SDK1: variants seen among roughly 807,000 people sequenced by gnomAD.
SDK1 encodes sidekick cell adhesion molecule 1.
A neutral mutation model predicts 245.5 loss-of-function variants in SDK1; 157 were observed. The observed-to-expected ratio is 0.64, with a 90% confidence interval of 0.56 to 0.73. The LOEUF is 0.73. SDK1 is among the 30% of genes least tolerant of loss of function. SDK1 has a pLI of 0.00. For synonymous variants in SDK1, 1,647 were observed against 1,278.5 expected (o/e 1.29, Z -6.15); for missense variants, 3,583 against 3,002.3 (o/e 1.19, Z -4.52).
chr7:4,043,087 G>C (rs1279876914), intron 17 of SDK1, among the ~76,000 whole-genome samples: 2 of 151,686 alleles, frequency 1.3e-5, no homozygotes, highest in East Asian at 3.9e-4. Context: ...CTGACACCAG[G>C]GAGCCCAGGT....
chr7:3,604,207 T>C (rs963235799), intron 1 of SDK1, among the ~76,000 whole-genome samples: 1 of 152,228 alleles, frequency 6.6e-6, no homozygotes, highest in Non-Finnish European at 1.5e-5. Context: ...TAAAATGAGT[T>C]AGAGAGGATT....
At chr7:3,385,885 T>C (rs1166956705) in intron 1 of SDK1, among the ~76,000 whole-genome samples, 1 of 152,212 alleles carries the variant, frequency 6.6e-6, no homozygotes, top group Non-Finnish European at 1.5e-5. Flanking sequence ...TTAATGACTC[T>C]GTCAGATGTA....
intron 4 of SDK1, among the ~76,000 whole-genome samples, chr7:3,786,697 C>T (rs1227556236): frequency 2.6e-5 from 4 of 152,062 alleles, no homozygotes; most frequent in Non-Finnish European, 4.4e-5. Context: ...GTCTTTTTCT[C>T]GCTGATGAAA....
intron 1 of SDK1, among the ~76,000 whole-genome samples, chr7:3,411,035 T>C (rs1779185989): frequency 6.6e-6 from 1 of 152,138 alleles, no homozygotes; most frequent in Non-Finnish European, 1.5e-5. Flanking sequence ...AATATGCTTT[T>C]AAATCGTGTA....
At chr7:3,471,736 A>G (rs1781189968) in intron 1 of SDK1, among the ~76,000 whole-genome samples, 1 of 152,202 alleles carries the variant, frequency 6.6e-6, no homozygotes, top group African/African-American at 2.4e-5. Context: ...TGCTTTTCTT[A>G]GCCAAGAACA....
At chr7:3,590,804 G>C (rs1280806838) in intron 1 of SDK1, among the ~76,000 whole-genome samples, 1 of 140,086 alleles carries the variant, frequency 7.1e-6, no homozygotes, top group Non-Finnish European at 1.5e-5. Context: ...TTTTTTTAAG[G>C]CCTGGTCTTG....
At chr7:3,488,608 G>C (rs990265093) in intron 1 of SDK1, among the ~76,000 whole-genome samples, 1 of 152,134 alleles carries the variant, frequency 6.6e-6, no homozygotes, top group Non-Finnish European at 1.5e-5. Context: ...CCCTTACAAT[G>C]CTCATCAGCT....
intron 5 of SDK1, among the ~76,000 whole-genome samples, chr7:3,883,317 A>G (rs1382983005): frequency 2.6e-5 from 4 of 152,228 alleles, no homozygotes; most frequent in Non-Finnish European, 4.4e-5. Flanking sequence ...CTCTGTCTCA[A>G]TAGAATTTAT....
At chr7:3,319,916 T>G (rs992012257) in intron 1 of SDK1, among the ~76,000 whole-genome samples, 1 of 149,650 alleles carries the variant, frequency 6.7e-6, no homozygotes, top group African/African-American at 2.5e-5. Context: ...TTCTGAAAAT[T>G]TGAGCATTGA....
rs1404088677 is a variant in SDK1 at position 3,553,525 on chromosome 7, AGGCAGACCT to A, written c.299-65551_299-65543del. ...CTCACATTCCCTCACCCATCAGGAGAGGCAGACCTGGCCTTTCTTGACCTCTGAACTAGC... is the reference window on the plus strand; with the variant it reads ...CTCACATTCCCTCACCCATCAGGAGAGGCCTTTCTTGACCTCTGAACTAGC... On this transcript the variant is annotated intron_variant, in intron 1 of 44. Transcript: ENST00000404826. Among the ~76,000 whole-genome samples, 23 of 152,222 alleles carry A rather than the reference AGGCAGACCT, an allele frequency of 1.5e-4. No individual in the cohort carries two copies. The South Asian group carries it at 3.5e-3, about 23-fold the overall frequency.
At chr7:4,141,795 C>T (rs926004428) in intron 28 of SDK1, among the ~76,000 whole-genome samples, 3 of 152,136 alleles carry the variant, frequency 2.0e-5, no homozygotes, top group African/African-American at 4.8e-5. Flanking sequence ...CTCGCTCAGT[C>T]GCCCAGGCTG....
chr7:3,817,164 A>G (rs1420886378), intron 4 of SDK1, among the ~76,000 whole-genome samples: 1 of 152,234 alleles, frequency 6.6e-6, no homozygotes, highest in East Asian at 1.9e-4. Flanking sequence ...ATGGAAGCCA[A>G]CGGATGGGTT....
At chr7:3,738,045 G>T (rs973214236) in intron 4 of SDK1, among the ~76,000 whole-genome samples, 2 of 152,194 alleles carry the variant, frequency 1.3e-5, no homozygotes, top group Non-Finnish European at 2.9e-5. Context: ...GTGAGGGGAC[G>T]AAAGCTGGGG....
At chr7:3,447,448 T>C (rs1780374172) in intron 1 of SDK1, among the ~76,000 whole-genome samples, 1 of 152,122 alleles carries the variant, frequency 6.6e-6, no homozygotes, top group Non-Finnish European at 1.5e-5. Flanking sequence ...TTCACATGTG[T>C]TGGACTTCAA....
rs76616072 is a variant in SDK1 at position 3,919,030 on chromosome 7, A to C, written c.848-31893A>C. Among the ~76,000 whole-genome samples the C allele has an allele frequency of 7.5e-3, 1,139 of 152,348 alleles. 16 individuals are homozygous for C. The highest frequency in any genetic ancestry group is 0.025 in the African/African-American group (1,048 of 41,586). On this transcript the variant is annotated intron_variant, in intron 5 of 44. Transcript: ENST00000404826. ...CTCATAACTATTACTATCATTGCTA[A>C]TATAATGACTGTTAACTAAATATGA... is the stretch of plus-strand genomic sequence containing the variant.
chr7:3,891,545 C>A (rs900841343), intron 5 of SDK1, among the ~76,000 whole-genome samples: 1 of 152,182 alleles, frequency 6.6e-6, no homozygotes, highest in South Asian at 2.1e-4. Flanking sequence ...TGTTTTTAAT[C>A]TCTTTGATTC....
chr7:3,626,294 A>G (rs943521685), intron 2 of SDK1, among the ~76,000 whole-genome samples: 1 of 151,826 alleles, frequency 6.6e-6, no homozygotes, highest in African/African-American at 2.4e-5. Flanking sequence ...TATTCCTTGA[A>G]CCCCTCAGTG....
At chr7:3,392,024 A>T (rs1375270004) in intron 1 of SDK1, among the ~76,000 whole-genome samples, 1 of 151,422 alleles carries the variant, frequency 6.6e-6, no homozygotes, top group Non-Finnish European at 1.5e-5. Context: ...CAAAGACCAT[A>T]CAAGGCTTTT....
chr7:3,555,198 G>A (rs1779549348), intron 1 of SDK1, among the ~76,000 whole-genome samples: 1 of 152,146 alleles, frequency 6.6e-6, no homozygotes, highest in African/African-American at 2.4e-5. Context: ...CAGAGCTATA[G>A]TAACCAAAAC....
Sources: gnomAD v4.1 joint callset for allele counts (sites outside exome capture counted in the v4.1 genomes callset) on GRCh38, gnomAD v4.1.1 for gene constraint, MANE v1.5 for transcripts, NCBI Gene and HGNC (gene_info 2026-07-23, HGNC 2026-07-21) for gene names.